The following FAM184B variants were observed in gnomAD, a reference collection of about 807,000 sequenced individuals.
FAM184B encodes the protein family with sequence similarity 184 member B.
A neutral mutation model predicts 135.9 loss-of-function variants in FAM184B; 111 were observed. The observed-to-expected ratio is 0.82, with a 90% CI of 0.70 to 0.96. The LOEUF (loss-of-function observed/expected upper bound fraction) is 0.96, where lower values mean the gene tolerates loss of function less well. FAM184B is among the 40% of genes least tolerant of loss of function. The pLI is 0.00. For synonymous variants in FAM184B, 552 were observed against 524.8 expected (o/e 1.05, Z -0.71); for missense variants, 1,375 against 1,323.9 (o/e 1.04, Z -0.60).
chr4:17,699,314 A>G (rs1437827219), intron 5 of FAM184B, among the ~76,000 whole-genome samples: 1 of 147,642 alleles, frequency 6.8e-6, no homozygotes, highest in Non-Finnish European at 1.5e-5. Flanking sequence ...AGAAATGGCC[A>G]TAAAATTTCC....
At chr4:17,694,297 G>A (rs921667468) in intron 5 of FAM184B, among the ~76,000 whole-genome samples, 7 of 152,212 alleles carry the variant, frequency 4.6e-5, no homozygotes, top group African/African-American at 9.6e-5. Flanking sequence ...GCCGAGGTGG[G>A]TGGATCACGA....
At position 17,732,748 on chromosome 4, in the gene FAM184B, A is replaced by C. The variant is rs551299545; in HGVS notation, c.142-23104T>G. On this transcript the variant is annotated intron_variant, in intron 1 of 17. Coordinates refer to ENST00000265018, the MANE Select transcript of FAM184B (RefSeq NM_015688.2). ...CCAGATGGATTCACAGCCAAATTCT[A>C]CCAGAGGTACAAGGAGGAGCTGGTA... Among the ~76,000 whole-genome samples the C allele has an allele frequency of 8.7e-3, 1,324 of 152,346 alleles. 19 individuals carry two copies. The highest frequency in any genetic ancestry group is 0.03 in the African/African-American group (1,262 of 41,578).
At chr4:17,672,228 G>A (rs1716185148) in intron 7 of FAM184B, among the ~76,000 whole-genome samples, 1 of 147,538 alleles carries the variant, frequency 6.8e-6, no homozygotes, top group Non-Finnish European at 1.5e-5. Flanking sequence ...TTGCAGGCCA[G>A]AAGGGAATGG....
rs181804243 is a variant in FAM184B, at chr4:17,682,722, C to T, written c.1596+5702G>A. Among the ~76,000 whole-genome samples, 284 of 152,206 alleles carry T rather than the reference C, an allele frequency of 1.9e-3. 1 individual carries two copies. The highest frequency in any genetic ancestry group is 2.9e-3 in the South Asian group (14 of 4,824). ...CCATGTTGCTCAGGCTGGTCTTGAACTCCTGGCCTCAAGTGATCCACCTGC... is the reference window on the plus strand; with the variant it reads ...CCATGTTGCTCAGGCTGGTCTTGAATTCCTGGCCTCAAGTGATCCACCTGC... On this transcript the variant is annotated intron_variant, in intron 7 of 17. Coordinates refer to ENST00000265018, the MANE Select transcript of FAM184B (RefSeq NM_015688.2).
At chr4:17,749,459 A>G (rs1325200652) in intron 1 of FAM184B, among the ~76,000 whole-genome samples, 3 of 152,170 alleles carry the variant, frequency 2.0e-5, no homozygotes, top group Admixed American at 2.0e-4. Context: ...AGGAAAAAAT[A>G]AAAGAAAACA....
At chr4:17,771,174 A>G (rs1214082150) in intron 1 of FAM184B, among the ~76,000 whole-genome samples, 1 of 152,104 alleles carries the variant, frequency 6.6e-6, no homozygotes, top group East Asian at 1.9e-4. Context: ...CTGACAGACC[A>G]TTTTCCACAG....
At chr4:17,733,963 G>A (rs1289287577) in intron 1 of FAM184B, among the ~76,000 whole-genome samples, 1 of 152,106 alleles carries the variant, frequency 6.6e-6, no homozygotes, top group African/African-American at 2.4e-5. Context: ...AAACAGCATG[G>A]TACTGGTACC....
At chr4:17,735,921 T>C (rs1485896430) in intron 1 of FAM184B, among the ~76,000 whole-genome samples, 3 of 152,210 alleles carry the variant, frequency 2.0e-5, no homozygotes, top group African/African-American at 7.2e-5. Flanking sequence ...TGACTGTTCA[T>C]AGTTGGCATA....
intron 1 of FAM184B, among the ~76,000 whole-genome samples, chr4:17,735,249 T>C (rs1440680152): frequency 6.6e-6 from 1 of 152,006 alleles, no homozygotes; most frequent in African/African-American, 2.4e-5. Flanking sequence ...AGTTAATGGA[T>C]GCAGCACACC....
At chr4:17,646,995 T>C (rs1715484971) in intron 12 of FAM184B, among the ~76,000 whole-genome samples, 1 of 152,148 alleles carries the variant, frequency 6.6e-6, no homozygotes, top group Non-Finnish European at 1.5e-5. Flanking sequence ...TGGTAAAATG[T>C]TCTGAGAAAT....
intron 10 of FAM184B, among the ~76,000 whole-genome samples, chr4:17,656,976 C>T (rs1447020720): frequency 6.6e-6 from 1 of 152,116 alleles, no homozygotes; most frequent in Non-Finnish European, 1.5e-5. Context: ...CATTTTAGGT[C>T]TCACTCACTC....
intron 9 of FAM184B, 79 bp downstream of exon 9, chr4:17,659,879 C>CA: frequency 6.6e-7 from 1 of 1,519,226 alleles, no homozygotes; most frequent in Non-Finnish European, 8.9e-7. Flanking sequence ...GAATCAGGCC[C>CA]TGCATGCATT....
Position 17,716,041 on chromosome 4 carries a change from T to C in FAM184B, c.142-6397A>G, listed in dbSNP as rs144676870. ...CCTGGCCTTAAAAAACTCATCTTCA[T>C]AATTAATACAGGAGCCTCAGAAAGA... On this transcript the variant is annotated intron_variant, in intron 1 of 17. Transcript: ENST00000265018. 6.6e-5 allele frequency among the ~76,000 whole-genome samples: 10 copies of C among 152,334 alleles called. No homozygotes were observed. In the East Asian group the frequency reaches 1.9e-3, roughly 29 times the overall value.
At chr4:17,739,075 T>C (rs1439636170) in intron 1 of FAM184B, among the ~76,000 whole-genome samples, 1 of 152,230 alleles carries the variant, frequency 6.6e-6, no homozygotes, top group Non-Finnish European at 1.5e-5. Context: ...AAAAAATGAA[T>C]TAACACACCC....
At position 17,635,092 on chromosome 4, in the gene FAM184B, C is replaced by T. The variant is rs376901720; in HGVS notation, c.2806G>A (p.Ala936Thr). Residue 936 changes from alanine to threonine, a missense_variant, in exon 16 of 18, where the codon GCA (alanine) becomes ACA (threonine). By Grantham distance (58) the Ala-to-Thr change is moderately conservative. Transcript: ENST00000265018. ...TGGGACATGGCACTGGGGAATGCTG[C>T]GTAGTGAAATCTTCTCTCTTCCTAG... ...QLTEERRFHYAAFPSAMSHRN... is the reference protein window; with the variant it reads ...QLTEERRFHYTAFPSAMSHRN... 5.4e-5 allele frequency: 84 copies of T among 1,551,514 alleles called. No homozygotes were observed. Among genetic ancestry groups the T allele is most frequent in the African/African-American group, 2.7e-4 (20 of 73,144 alleles).
intron 1 of FAM184B, among the ~76,000 whole-genome samples, chr4:17,719,581 C>A (rs1717472597): frequency 6.6e-6 from 1 of 152,214 alleles, no homozygotes; most frequent in Non-Finnish European, 1.5e-5. Flanking sequence ...GAAAGGATCA[C>A]ATTGCTCCAG....
At chr4:17,708,663 C>CTATATATATATATATATATATATA (rs60087211) in intron 2 of FAM184B, among the ~76,000 whole-genome samples, 1 of 16,978 alleles carries the variant, frequency 5.9e-5, no homozygotes, top group Non-Finnish European at 1.0e-4. Flanking sequence ...GGAAACAAAA[C>CTATATATATATATATATATATATA]TATATATATA....
chr4:17,633,928 AAAAAC>A (rs1410124314), intron 16 of FAM184B, 40 bp from the exon 17 acceptor site: 1 of 1,310,062 alleles, frequency 7.6e-7, no homozygotes, highest in Non-Finnish European at 9.9e-7. Flanking sequence ...ATGCAATGCA[AAAAAC>A]AAAATAAAGC....
chr4:17,684,099 A>AT (rs775573163), intron 7 of FAM184B, among the ~76,000 whole-genome samples: 28 of 33,488 alleles, frequency 8.4e-4, no homozygotes, highest in East Asian at 0.02. Flanking sequence ...AATTACTATT[A>AT]TATTATAGTA....
Sources: gnomAD v4.1 joint callset for allele counts (sites outside exome capture counted in the v4.1 genomes callset) on GRCh38, gnomAD v4.1.1 for gene constraint, MANE v1.5 for transcripts, NCBI Gene and HGNC (gene_info 2026-07-23, HGNC 2026-07-21) for gene names.